Variants in TUBGCP3 observed in about 807,000 individuals in gnomAD.
TUBGCP3 encodes the protein gamma-tubulin complex component 3.
TUBGCP3 carries 50 observed loss-of-function variants against 123.1 expected under a neutral mutation model. The observed-to-expected ratio is 0.41, with a 90% CI of 0.32 to 0.51. The LOEUF (loss-of-function observed/expected upper bound fraction) is 0.51, where lower values mean the gene tolerates loss of function less well. Among genes scored for constraint, TUBGCP3 ranks in the 20% least tolerant of loss-of-function variants. The pLI is 0.36. For missense variants in TUBGCP3, 882 were observed against 1,127.0 expected, an observed-to-expected ratio of 0.78 and a Z score of 3.11; for synonymous variants, 405 against 413.9, an observed-to-expected ratio of 0.98 and a Z score of 0.26.
chr13:112,566,164 C>T (rs1411272830), intron 2 of TUBGCP3, among the ~76,000 whole-genome samples: 4 of 152,152 alleles, frequency 2.6e-5, no homozygotes, highest in East Asian at 1.9e-4. Flanking sequence ...GGAGAAGCTG[C>T]GGTCGTATTG....
At chr13:112,489,378 A>T (rs944332805) in intron 21 of TUBGCP3, among the ~76,000 whole-genome samples, 1 of 152,264 alleles carries the variant, frequency 6.6e-6, no homozygotes, top group Non-Finnish European at 1.5e-5. Context: ...GTTCTCACTG[A>T]TGGCACACTG....
At chr13:112,598,085 C>A in the TUBGCP3 span, among the ~76,000 whole-genome samples, 3 of 152,018 alleles carry the variant, frequency 2.0e-5, no homozygotes, top group Admixed American at 1.3e-4. Flanking sequence ...AAAGGCGCAC[C>A]AATTAACCTG....
intron 2 of TUBGCP3, among the ~76,000 whole-genome samples, chr13:112,568,668 G>T (rs1320081701): frequency 6.6e-6 from 1 of 152,246 alleles, no homozygotes; most frequent in Non-Finnish European, 1.5e-5. Flanking sequence ...CTTCGCGCAG[G>T]CCTCTTTTCT....
Position 112,522,460 on chromosome 13 carries a change from A to T in TUBGCP3, c.1605T>A (p.Asp535Glu). The change falls in exon 14 of 22, where the codon GAT (aspartate) becomes GAA (glutamate). Residue 535 changes from aspartate to glutamate, a missense_variant. Transcript: ENST00000261965. ...ATTTGCTGGTCTCAAAATAAGCAGC[A>T]TCAATCTTCCCCTGAAATGCATTTT... The part of the protein sequence containing the change: ...DLENAFQGKI[D>E]AAYFETSKYL... 6 of 1,614,086 alleles carry T rather than the reference A, an allele frequency of 3.7e-6. No individual in the cohort carries two copies. The highest frequency in any genetic ancestry group is 5.1e-6 in the Non-Finnish European group (6 of 1,179,900).
intron 8 of TUBGCP3, among the ~76,000 whole-genome samples, chr13:112,549,269 G>C (rs75224946): frequency 5.3e-4 from 80 of 152,052 alleles, no homozygotes; most frequent in African/African-American, 1.8e-3. Flanking sequence ...CTCACTCACA[G>C]GTGGGAATTG....
chr13:112,557,648 A>G (rs1594196915), intron 5 of TUBGCP3, among the ~76,000 whole-genome samples: 1 of 152,370 alleles, frequency 6.6e-6, no homozygotes, highest in East Asian at 1.9e-4. Context: ...TCAGCTGTAA[A>G]TCCTGTATTT....
At position 112,519,081 on chromosome 13, in the gene TUBGCP3, A is replaced by C. The variant is rs1323750416; in HGVS notation, c.1882-38T>G. 2 of 1,545,206 alleles carry C rather than the reference A, an allele frequency of 1.3e-6. No homozygotes were observed. The highest frequency in any genetic ancestry group is 2.2e-5 in the East Asian group (1 of 44,570). The stretch of plus-strand genomic sequence containing the variant: ...ACAAACACATAATTGCAAGACCTTA[A>C]GCTTCTTGCTGAAGAACTTGTTAAC... On this transcript the variant is annotated intron_variant, in intron 15 of 21. Transcript: ENST00000261965. This position sits in a 1 kb window ranked among gnomAD's most constrained non-coding sequence, Gnocchi z 6.2.
intron 1 of TUBGCP3, among the ~76,000 whole-genome samples, chr13:112,570,813 G>A (rs1662189248): frequency 6.6e-6 from 1 of 152,166 alleles, no homozygotes; most frequent in Admixed American, 6.5e-5. Flanking sequence ...CTTAAACCCT[G>A]CCACTGTTTT....
chr13:112,544,227 GCA>G (rs1878777161), intron 11 of TUBGCP3, among the ~76,000 whole-genome samples: 1 of 152,050 alleles, frequency 6.6e-6, no homozygotes, highest in Admixed American at 6.5e-5. Context: ...GCCAAGGCGG[GCA>G]GATCACAAGG....
At chr13:112,582,730 G>A (rs992592286) in intron 1 of TUBGCP3, among the ~76,000 whole-genome samples, 2 of 152,146 alleles carry the variant, frequency 1.3e-5, no homozygotes, top group Non-Finnish European at 2.9e-5. Context: ...ATCACCTAAG[G>A]AGAGGTCTAG....
upstream of TUBGCP3, among the ~76,000 whole-genome samples, chr13:112,588,665 A>G (rs1021191314): frequency 6.6e-6 from 1 of 152,212 alleles, no homozygotes; most frequent in Admixed American, 6.5e-5. Context: ...GTACGGAGTG[A>G]GAGAACAGGA....
chr13:112,591,818 GAGATT>G (rs1354545790), upstream of TUBGCP3, among the ~76,000 whole-genome samples: 2 of 152,232 alleles, frequency 1.3e-5, no homozygotes, highest in African/African-American at 4.8e-5. Context: ...CACCAGCTGA[GAGATT>G]AGACCACTCA....
At chr13:112,495,541 A>G (rs1369340342) in intron 20 of TUBGCP3, among the ~76,000 whole-genome samples, 1 of 152,200 alleles carries the variant, frequency 6.6e-6, no homozygotes, top group Non-Finnish European at 1.5e-5. Context: ...CAGTTTATAA[A>G]CATGAATTAC....
At chr13:112,542,670 T>C (rs1286470903) in intron 11 of TUBGCP3, among the ~76,000 whole-genome samples, 1 of 152,174 alleles carries the variant, frequency 6.6e-6, no homozygotes, top group Non-Finnish European at 1.5e-5. Flanking sequence ...AAACTAAGAA[T>C]TGAGCTACCT....
At chr13:112,557,654 T>C (rs1171139814) in intron 5 of TUBGCP3, among the ~76,000 whole-genome samples, 1 of 152,248 alleles carries the variant, frequency 6.6e-6, no homozygotes, top group African/African-American at 2.4e-5. Context: ...GTAAATCCTG[T>C]ATTTCTTGAA....
intron 16 of TUBGCP3, 30 bp downstream of exon 16, chr13:112,518,945 A>C (rs1180299974): frequency 1.3e-6 from 2 of 1,586,020 alleles, no homozygotes; most frequent in South Asian, 2.2e-5. Flanking sequence ...ATAGTTGTAA[A>C]TACTATAAAA....
chr13:112,553,368 C>T (rs1879752875), intron 8 of TUBGCP3, among the ~76,000 whole-genome samples: 1 of 152,234 alleles, frequency 6.6e-6, no homozygotes, highest in African/African-American at 2.4e-5. Flanking sequence ...CACAGTTGTT[C>T]TGTGATTCAA....
chr13:112,534,419 C>A (rs1594158140), intron 11 of TUBGCP3, among the ~76,000 whole-genome samples: 1 of 152,088 alleles, frequency 6.6e-6, no homozygotes, highest in African/African-American at 2.4e-5. Context: ...GGTGGCAAGG[C>A]GCCTGTGGTC....
chr13:112,558,350 A>G lies in TUBGCP3; in HGVS notation c.394T>C (p.Tyr132His). Reference protein sequence around the residue: ...LPRDAHSTPYYYARPQTLPLS... With the variant: ...LPRDAHSTPYHYARPQTLPLS... ...GGAAGGGTCTGAGGCCTGGCATAGT[A>G]GTAAGGGGTTGAGTGGGCATCTCTT... is the stretch of plus-strand genomic sequence containing the variant. The change falls in exon 5 of 22, where the codon TAC becomes CAC. Residue 132 changes from tyrosine (Y) to histidine (H), a missense_variant. By Grantham distance (83) the Tyr-to-His change is moderately conservative. Coordinates refer to ENST00000261965, the MANE Select transcript of TUBGCP3 (RefSeq NM_006322.6). 1 of 1,610,780 alleles carries G rather than the reference A, an allele frequency of 6.2e-7. No individual in the cohort carries two copies.
Sources: gnomAD v4.1 joint callset for allele counts (sites outside exome capture counted in the v4.1 genomes callset) on GRCh38, gnomAD v4.1.1 for gene constraint, Gnocchi (gnomAD v3.1) non-coding constraint, MANE v1.5 for transcripts, NCBI Gene and HGNC (gene_info 2026-07-23, HGNC 2026-07-21) for gene names.